The following BACH2 variants were observed in gnomAD, a reference collection of about 807,000 sequenced individuals.
BACH2 encodes the protein transcription regulator protein BACH2.
In BACH2, 5 loss-of-function variants were observed where a neutral mutation model predicts 61.8. The ratio of observed to expected loss-of-function variants is 0.08; its 90% CI spans 0.04 to 0.17. The LOEUF (loss-of-function observed/expected upper bound fraction) is 0.17. Ranked by LOEUF, BACH2 falls within the 10% of genes least tolerant of loss-of-function variation. The pLI, the probability that BACH2 is intolerant of heterozygous loss-of-function variation, is 1.00. For missense variants in BACH2, 824 were observed against 1,091.1 expected (o/e 0.76, Z 3.45); for synonymous variants, 446 against 440.1 (o/e 1.01, Z -0.17).
At chr6:90,255,075 T>C (rs1429393436) in intron 2 of BACH2, among the ~76,000 whole-genome samples, 2 of 152,184 alleles carry the variant, frequency 1.3e-5, no homozygotes, top group Non-Finnish European at 2.9e-5. Flanking sequence ...CTAGCCCACA[T>C]AAATAATACA....
chr6:89,952,222 A>C (rs1299722019), intron 6 of BACH2: 17 of 210,082 alleles, frequency 8.1e-5, no homozygotes, highest in Non-Finnish European at 1.4e-4. Flanking sequence ...GTTGAGAGCC[A>C]TTCTACACGA....
chr6:89,992,672 C>CA (rs60663156), intron 6 of BACH2, among the ~76,000 whole-genome samples: 2,591 of 150,712 alleles, frequency 0.017, 25 homozygotes, highest in Middle Eastern at 0.037. Flanking sequence ...AACAAACAAA[C>CA]AAAAAAAAAC....
intron 1 of BACH2, among the ~76,000 whole-genome samples, chr6:90,291,278 G>GA (rs907581084): frequency 1.4e-4 from 21 of 151,522 alleles, no homozygotes; most frequent in Admixed American, 3.9e-4. Flanking sequence ...TATTATTTTG[G>GA]AAAAAAAATA....
intron 4 of BACH2, among the ~76,000 whole-genome samples, chr6:90,092,121 A>C (rs898186112): frequency 4.6e-5 from 7 of 151,748 alleles, no homozygotes; most frequent in South Asian, 2.1e-4. Context: ...TTAATAACGC[A>C]AACGATTACC....
At chr6:90,128,536 G>A (rs1261091970) in intron 4 of BACH2, among the ~76,000 whole-genome samples, 1 of 152,110 alleles carries the variant, frequency 6.6e-6, no homozygotes, top group Admixed American at 6.5e-5. Flanking sequence ...AGCCAAGATC[G>A]TGCCACTGCA....
intron 5 of BACH2, among the ~76,000 whole-genome samples, chr6:90,032,005 G>A (rs1367191632): frequency 6.6e-6 from 1 of 152,198 alleles, no homozygotes; most frequent in Non-Finnish European, 1.5e-5. Context: ...TACCAAGACA[G>A]ACATATAGAC....
intron 6 of BACH2, among the ~76,000 whole-genome samples, chr6:90,005,654 G>T (rs1259333983): frequency 1.3e-5 from 2 of 152,190 alleles, no homozygotes; most frequent in South Asian, 4.1e-4. Context: ...CTGAGCAGAG[G>T]GGGAGGGCTC....
At chr6:90,256,435 G>GTT (rs1307595643) in intron 2 of BACH2, among the ~76,000 whole-genome samples, 1 of 152,168 alleles carries the variant, frequency 6.6e-6, no homozygotes, top group Non-Finnish European at 1.5e-5. Flanking sequence ...AACAAGCACA[G>GTT]TAACTCTGGG....
At chr6:89,938,513 T>G (rs1773164639) in intron 7 of BACH2, among the ~76,000 whole-genome samples, 163 bp from the exon 8 acceptor site, 1 of 152,244 alleles carries the variant, frequency 6.6e-6, no homozygotes, top group African/African-American at 2.4e-5. Flanking sequence ...ACAGATAAGA[T>G]GTAATAATAC....
intron 5 of BACH2, among the ~76,000 whole-genome samples, chr6:90,066,730 C>T (rs890446391): frequency 1.3e-5 from 2 of 152,186 alleles, no homozygotes; most frequent in African/African-American, 4.8e-5. Context: ...CTAAGTAGAT[C>T]TATGTTACAT....
chr6:90,263,322 T>C (rs568806889), intron 2 of BACH2, among the ~76,000 whole-genome samples: 1 of 149,018 alleles, frequency 6.7e-6, no homozygotes, highest in African/African-American at 2.6e-5. Context: ...CTGATGTGCT[T>C]AGTTAGACAG....
intron 5 of BACH2, among the ~76,000 whole-genome samples, chr6:90,067,850 T>A (rs1045931897): frequency 1.3e-5 from 2 of 152,152 alleles, no homozygotes; most frequent in African/African-American, 4.8e-5. Flanking sequence ...TCACAGTGTA[T>A]TTATCATTGT....
chr6:89,937,435 G>C (rs292250), intron 8 of BACH2, among the ~76,000 whole-genome samples: 2 of 152,136 alleles, frequency 1.3e-5, no homozygotes, highest in Admixed American at 1.3e-4. Flanking sequence ...AGGAGTGCCT[G>C]AGTCATAGCG....
chr6:90,114,279 C>A (rs1783300727), intron 4 of BACH2, among the ~76,000 whole-genome samples: 1 of 152,150 alleles, frequency 6.6e-6, no homozygotes, highest in East Asian at 1.9e-4. Flanking sequence ...AAAATACTTG[C>A]AAACCAAATC....
intron 1 of BACH2, among the ~76,000 whole-genome samples, chr6:90,292,729 G>A (rs191438724): frequency 2.0e-5 from 3 of 152,316 alleles, no homozygotes; most frequent in Admixed American, 1.3e-4. Flanking sequence ...AAAAAAAGAT[G>A]TTTCAGTCTG....
chr6:90,029,320 T>C (rs1471411769), intron 5 of BACH2, among the ~76,000 whole-genome samples: 1 of 152,130 alleles, frequency 6.6e-6, no homozygotes, highest in Non-Finnish European at 1.5e-5. Flanking sequence ...TCTCCTTATG[T>C]GTGAAATGAA....
chr6:90,063,825 T>C (rs1780809252), intron 5 of BACH2, among the ~76,000 whole-genome samples: 1 of 152,210 alleles, frequency 6.6e-6, no homozygotes, highest in Non-Finnish European at 1.5e-5. Context: ...GGATTTAATA[T>C]TCTGTATGTC....
intron 5 of BACH2, among the ~76,000 whole-genome samples, chr6:90,030,875 A>C (rs1310118031): frequency 6.6e-6 from 1 of 150,852 alleles, no homozygotes; most frequent in African/African-American, 2.5e-5. Context: ...TCATCCTGAT[A>C]CCAAAGCCTG....
At chr6:90,011,929 A>AAT (rs1482799397) in intron 5 of BACH2, among the ~76,000 whole-genome samples, 19 of 78,890 alleles carry the variant, frequency 2.4e-4, no homozygotes, top group African/African-American at 7.1e-4. Flanking sequence ...CAAAAAAAAA[A>AAT]ATATGTGTGT....
Sources: gnomAD v4.1 joint callset for allele counts (sites outside exome capture counted in the v4.1 genomes callset) on GRCh38, gnomAD v4.1.1 for gene constraint, MANE v1.5 for transcripts, NCBI Gene and HGNC (gene_info 2026-07-23, HGNC 2026-07-21) for gene names.